Variants in FILIP1L observed in about 807,000 individuals in gnomAD.
The protein encoded by FILIP1L is filamin A-interacting protein 1-like.
In FILIP1L, 55 loss-of-function variants were observed where a neutral mutation model predicts 96.6. The observed-to-expected ratio is 0.57, with a 90% confidence interval of 0.46 to 0.71. The LOEUF (loss-of-function observed/expected upper bound fraction) is 0.71, where lower values mean the gene tolerates loss of function less well. Ranked by LOEUF, FILIP1L falls within the 30% of genes least tolerant of loss-of-function variation. The pLI, the probability that FILIP1L is intolerant of heterozygous loss-of-function variation, is 0.00. For synonymous variants in FILIP1L, 467 were observed against 473.9 expected (o/e 0.99, Z 0.19); for missense variants, 1,304 against 1,321.2 (o/e 0.99, Z 0.20).
chr3:99,959,805 A>G (rs1708440410), intron 1 of FILIP1L, among the ~76,000 whole-genome samples: 1 of 152,208 alleles, frequency 6.6e-6, no homozygotes, highest in African/African-American at 2.4e-5. Flanking sequence ...GGATTGTACT[A>G]ATGTAATTTT....
At chr3:99,896,226 G>A (rs1363280006) in intron 4 of FILIP1L, among the ~76,000 whole-genome samples, 1 of 152,146 alleles carries the variant, frequency 6.6e-6, no homozygotes, top group Non-Finnish European at 1.5e-5. Flanking sequence ...TTCCTTTCCT[G>A]GCAAATAAGT....
chr3:100,015,777 G>A, intron 1 of FILIP1L, among the ~76,000 whole-genome samples: 1 of 152,140 alleles, frequency 6.6e-6, no homozygotes, highest in East Asian at 1.9e-4. Context: ...GTACACAGAA[G>A]GCACTCACTG....
chr3:99,923,654 G>A (rs1020386968), intron 4 of FILIP1L, among the ~76,000 whole-genome samples: 7 of 152,110 alleles, frequency 4.6e-5, no homozygotes, highest in East Asian at 3.9e-4. Context: ...AGTTTCCTGC[G>A]CCCAGTCTAA....
chr3:99,846,134 G>A (rs996942109), intron 5 of FILIP1L, among the ~76,000 whole-genome samples: 4 of 152,178 alleles, frequency 2.6e-5, no homozygotes, highest in Non-Finnish European at 5.9e-5. Flanking sequence ...AGTGTGCCAA[G>A]AATGGATTTC....
intron 1 of FILIP1L, among the ~76,000 whole-genome samples, chr3:99,980,696 G>A (rs560956362): frequency 6.6e-6 from 1 of 152,174 alleles, no homozygotes; most frequent in Non-Finnish European, 1.5e-5. Flanking sequence ...ATGGGACAGC[G>A]TATTGGCAGA....
chr3:100,035,681 C>T (rs2065096070), intron 1 of FILIP1L, among the ~76,000 whole-genome samples: 1 of 152,156 alleles, frequency 6.6e-6, no homozygotes, highest in Non-Finnish European at 1.5e-5. Context: ...AAACTTTTAT[C>T]ATTCTGATAT....
intron 1 of FILIP1L, among the ~76,000 whole-genome samples, chr3:100,107,048 A>T (rs559515600): frequency 1.3e-5 from 2 of 152,270 alleles, no homozygotes; most frequent in Non-Finnish European, 2.9e-5. Flanking sequence ...CACAGCCAAG[A>T]GATATAAATT....
At chr3:99,889,989 TTTC>T (rs1706033301) in intron 4 of FILIP1L, among the ~76,000 whole-genome samples, 1 of 151,980 alleles carries the variant, frequency 6.6e-6, no homozygotes, top group Non-Finnish European at 1.5e-5. Flanking sequence ...TCGCCTCTTA[TTTC>T]TTCTTTTATT....
intron 4 of FILIP1L, among the ~76,000 whole-genome samples, chr3:99,891,846 G>T (rs1449123781): frequency 6.6e-6 from 1 of 152,050 alleles, no homozygotes; most frequent in Admixed American, 6.5e-5. Context: ...TCCAAGATAA[G>T]GTCCAACTAT....
At chr3:99,985,575 T>C (rs1268939858) in intron 1 of FILIP1L, among the ~76,000 whole-genome samples, 3 of 152,006 alleles carry the variant, frequency 2.0e-5, no homozygotes, top group Non-Finnish European at 4.4e-5. Context: ...GTGAATTTCT[T>C]TTATAATCAT....
intron 1 of FILIP1L, among the ~76,000 whole-genome samples, chr3:100,099,498 C>A (rs2066267354): frequency 6.6e-6 from 1 of 152,096 alleles, no homozygotes; most frequent in Non-Finnish European, 1.5e-5. Context: ...CCCTGCCAGC[C>A]TCTAGGTGAT....
chr3:99,877,769 T>A (rs1422772232), intron 4 of FILIP1L, among the ~76,000 whole-genome samples: 1 of 152,216 alleles, frequency 6.6e-6, no homozygotes, highest in East Asian at 1.9e-4. Context: ...GCTGCATTTT[T>A]TATTACAAAT....
chr3:99,918,095 A>G (rs1346964271), intron 4 of FILIP1L, among the ~76,000 whole-genome samples: 1 of 152,086 alleles, frequency 6.6e-6, no homozygotes, highest in Non-Finnish European at 1.5e-5. Flanking sequence ...CTTCTGCCTC[A>G]GCCTCCTGAG....
intron 4 of FILIP1L, among the ~76,000 whole-genome samples, chr3:99,916,672 CCAAGGT>C (rs1234824719): frequency 6.6e-6 from 1 of 152,004 alleles, no homozygotes; most frequent in Non-Finnish European, 1.5e-5. Context: ...AATGCTTTGC[CCAAGGT>C]CAAATAGCCA....
At chr3:99,963,429 A>T (rs1708551912) in intron 1 of FILIP1L, among the ~76,000 whole-genome samples, 1 of 152,210 alleles carries the variant, frequency 6.6e-6, no homozygotes, top group Non-Finnish European at 1.5e-5. Flanking sequence ...ATAAGGATAT[A>T]GCACAGAAGT....
chr3:99,907,913 G>A (rs1369248382), intron 4 of FILIP1L, among the ~76,000 whole-genome samples: 1 of 152,198 alleles, frequency 6.6e-6, no homozygotes, highest in African/African-American at 2.4e-5. Flanking sequence ...GTGATCCAGT[G>A]CCTGGCACAT....
At chr3:99,890,616 T>G (rs1282167848) in intron 4 of FILIP1L, among the ~76,000 whole-genome samples, 2 of 152,162 alleles carry the variant, frequency 1.3e-5, no homozygotes, top group African/African-American at 4.8e-5. Context: ...CTAATTCTCA[T>G]TCCTTGATCT....
intron 1 of FILIP1L, among the ~76,000 whole-genome samples, chr3:100,100,126 A>G (rs879399411): frequency 3.9e-5 from 6 of 152,192 alleles, no homozygotes; most frequent in Admixed American, 2.0e-4. Flanking sequence ...ATGGAAAGGA[A>G]TGGCCTGGAA....
chr3:100,004,924 C>T (rs1293091593), intron 1 of FILIP1L, among the ~76,000 whole-genome samples: 2 of 152,108 alleles, frequency 1.3e-5, no homozygotes, highest in Non-Finnish European at 2.9e-5. Flanking sequence ...GCCTCATACC[C>T]ATTAGATATT....
Sources: allele counts gnomAD v4.1 joint callset (sites outside exome capture counted in the v4.1 genomes callset), GRCh38; gene constraint gnomAD v4.1.1; transcripts MANE v1.5; gene names NCBI Gene and HGNC (gene_info 2026-07-23, HGNC 2026-07-21).